The following CACNG3 variants were observed in gnomAD, a reference collection of about 807,000 sequenced individuals.
The protein encoded by CACNG3 is calcium voltage-gated channel auxiliary subunit gamma 3.
A neutral mutation model predicts 28.5 loss-of-function variants in CACNG3; 3 were observed. That is an observed-to-expected ratio of 0.11 (90% CI 0.05 to 0.27). The LOEUF (loss-of-function observed/expected upper bound fraction) is 0.27. Among genes scored for constraint, CACNG3 ranks in the 10% least tolerant of loss-of-function variants. The probability of loss-of-function intolerance (pLI) is 1.00; values close to 1 mark genes in which losing one functional copy is unlikely to be tolerated. For missense variants in CACNG3, 236 were observed against 414.4 expected (o/e 0.57, Z 3.74); for synonymous variants, 174 against 162.2 (o/e 1.07, Z -0.55).
chr16:24,324,149 G>T (rs139102347), intron 1 of CACNG3, among the ~76,000 whole-genome samples: 1 of 152,194 alleles, frequency 6.6e-6, no homozygotes, highest in Non-Finnish European at 1.5e-5. Context: ...GAAAGACACT[G>T]CCATCCCTGT....
At chr16:24,282,067 C>A (rs1247878388) in intron 1 of CACNG3, among the ~76,000 whole-genome samples, 1 of 152,202 alleles carries the variant, frequency 6.6e-6, no homozygotes, top group Non-Finnish European at 1.5e-5. Context: ...TACCAGATGT[C>A]CACTGCAACG....
chr16:24,316,309 A>C (rs1441065544), intron 1 of CACNG3, among the ~76,000 whole-genome samples: 1 of 138,648 alleles, frequency 7.2e-6, no homozygotes, highest in Non-Finnish European at 1.6e-5. Flanking sequence ...TGTCGGAGCT[A>C]TGCCATCCCC....
At chr16:24,319,170 A>G (rs957292516) in intron 1 of CACNG3, among the ~76,000 whole-genome samples, 1 of 152,206 alleles carries the variant, frequency 6.6e-6, no homozygotes, top group African/African-American at 2.4e-5. Context: ...GACAGAGAGG[A>G]AAATGCTTCA....
chr16:24,351,424 TA>T (rs1423376653), intron 2 of CACNG3, among the ~76,000 whole-genome samples: 1 of 151,096 alleles, frequency 6.6e-6, no homozygotes, highest in Non-Finnish European at 1.5e-5. Flanking sequence ...ATACAAAAAT[TA>T]GGGTGGTATG....
At chr16:24,258,917 G>A (rs1898503534) in intron 1 of CACNG3, among the ~76,000 whole-genome samples, 2 of 152,278 alleles carry the variant, frequency 1.3e-5, no homozygotes, top group South Asian at 2.1e-4. Context: ...AAGAGCAGAG[G>A]TAGGACCTAA....
At position 24,310,218 on chromosome 16, in the gene CACNG3, T is replaced by C. The variant is rs541658963; in HGVS notation, c.212-36516T>C. On this transcript the variant is annotated intron_variant, in intron 1 of 3. Transcript: ENST00000005284. ...CAATGTTTGAAAGTCAGAGAAAAGA[T>C]ATCGAGAAGTCAGCTCTTCAGAGTG... is the stretch of plus-strand genomic sequence containing the variant. Among the ~76,000 whole-genome samples the C allele has an allele frequency of 4.6e-5, 7 of 152,340 alleles. No individual in the cohort carries two copies. The South Asian group carries it at 1.5e-3, about 32-fold the overall frequency.
chr16:24,269,746 C>CAAAAAAAAAAAAAAAAAAAAAAGAAA (rs1163565728), intron 1 of CACNG3, among the ~76,000 whole-genome samples: 3 of 71,084 alleles, frequency 4.2e-5, no homozygotes, highest in Non-Finnish European at 5.7e-5. Context: ...GACTCCATCT[C>CAAAAAAAAAAAAAAAAAAAAAAGAAA]AAAAAAAAAA....
chr16:24,346,054 A>C (rs892605223), intron 1 of CACNG3, among the ~76,000 whole-genome samples: 15 of 152,238 alleles, frequency 9.9e-5, no homozygotes, highest in Admixed American at 6.5e-4. Context: ...AATGAGCGAA[A>C]AAAATGATGT....
rs183400636 is a variant in CACNG3, at chr16:24,357,624, G to A, written c.436+2651G>A. ...GAAAGAGAACTGCCATCTTGCCCCA[G>A]GGGAGTGAGATCAGCCCACAGGTGG... On this transcript the variant is annotated intron_variant, in intron 3 of 3. Transcript: ENST00000005284. Among the ~76,000 whole-genome samples the A allele has an allele frequency of 1.5e-3, 234 of 152,296 alleles. 1 individual carries two copies. The highest frequency in any genetic ancestry group is 5.3e-3 in the African/African-American group (222 of 41,578).
chr16:24,351,831 CTTTTT>C (rs869158970), intron 2 of CACNG3, among the ~76,000 whole-genome samples: 9 of 85,062 alleles, frequency 1.1e-4, no homozygotes, highest in Non-Finnish European at 1.5e-4. Context: ...CTCTCTCTCT[CTTTTT>C]TTTTTTTTTT....
intron 1 of CACNG3, among the ~76,000 whole-genome samples, chr16:24,282,972 A>C (rs1465030278): frequency 6.6e-6 from 1 of 151,798 alleles, no homozygotes; most frequent in African/African-American, 2.4e-5. Flanking sequence ...GGGTTCAAGC[A>C]ATTCTCCTGC....
chr16:24,326,168 TTTTTTC>T (rs1277089178), intron 1 of CACNG3, among the ~76,000 whole-genome samples: 3 of 70,628 alleles, frequency 4.2e-5, no homozygotes, highest in Admixed American at 1.7e-4. Flanking sequence ...TTGTTTTTTC[TTTTTTC>T]TTTTTTTTTT....
chr16:24,312,147 C>T (rs1899272492), intron 1 of CACNG3, among the ~76,000 whole-genome samples: 2 of 152,178 alleles, frequency 1.3e-5, no homozygotes, highest in African/African-American at 4.8e-5. Context: ...GCTTGGTTCA[C>T]AGTGTGCCGG....
At chr16:24,314,733 G>T (rs1023839439) in intron 1 of CACNG3, among the ~76,000 whole-genome samples, 4 of 119,112 alleles carry the variant, frequency 3.4e-5, no homozygotes, top group Non-Finnish European at 3.6e-5. Flanking sequence ...TAGGACTCTC[G>T]CCTCCTCCTC....
chr16:24,330,602 T>C (rs1899619124), intron 1 of CACNG3, among the ~76,000 whole-genome samples: 1 of 152,180 alleles, frequency 6.6e-6, no homozygotes, highest in Admixed American at 6.5e-5. Context: ...TGTAGGTAGG[T>C]GCCCAGGAAT....
At chr16:24,267,394 C>A (rs1227985265) in intron 1 of CACNG3, among the ~76,000 whole-genome samples, 1 of 151,762 alleles carries the variant, frequency 6.6e-6, no homozygotes, top group African/African-American at 2.4e-5. Context: ...CTCAAGGGAT[C>A]CTCCCACCAC....
At chr16:24,331,231 G>C (rs79043377) in intron 1 of CACNG3, among the ~76,000 whole-genome samples, 6 of 152,150 alleles carry the variant, frequency 3.9e-5, no homozygotes, top group Middle Eastern at 3.4e-3. Context: ...AAATAATGAA[G>C]GACCAAGGAA....
intron 2 of CACNG3, among the ~76,000 whole-genome samples, chr16:24,352,856 G>T (rs1899975002): frequency 6.6e-6 from 1 of 152,110 alleles, no homozygotes; most frequent in Non-Finnish European, 1.5e-5. Flanking sequence ...GGATTCTTGT[G>T]GTTCTACCCG....
intron 1 of CACNG3, among the ~76,000 whole-genome samples, chr16:24,305,361 T>C (rs1348852918): frequency 6.8e-6 from 1 of 147,166 alleles, no homozygotes; most frequent in African/African-American, 2.5e-5. Flanking sequence ...TGTGTGTGTG[T>C]GTGTGTAGAC....
Sources: gnomAD v4.1 joint callset for allele counts (sites outside exome capture counted in the v4.1 genomes callset) on GRCh38, gnomAD v4.1.1 for gene constraint, MANE v1.5 for transcripts, NCBI Gene and HGNC (gene_info 2026-07-23, HGNC 2026-07-21) for gene names.